Variants in OSBP2 observed in about 807,000 individuals in gnomAD.
The protein encoded by OSBP2 is oxysterol binding protein 2.
A neutral mutation model predicts 96.0 loss-of-function variants in OSBP2; 66 were observed. The observed-to-expected ratio is 0.69, with a 90% CI of 0.56 to 0.84. OSBP2 has a LOEUF of 0.84. OSBP2 is among the 40% of genes least tolerant of loss of function. The pLI is 0.00. For synonymous variants in OSBP2, 525 were observed against 520.9 expected (o/e 1.01, Z -0.11); for missense variants, 1,038 against 1,222.7 (o/e 0.85, Z 2.25).
chr22:30,783,248 T>A (rs966875253), intron 2 of OSBP2, among the ~76,000 whole-genome samples: 1 of 143,816 alleles, frequency 7.0e-6, no homozygotes, highest in Non-Finnish European at 1.5e-5. Context: ...CTGTTTTCAT[T>A]CCCCGAAGAC....
At chr22:30,802,807 A>C (rs888126828) in intron 2 of OSBP2, among the ~76,000 whole-genome samples, 1 of 152,066 alleles carries the variant, frequency 6.6e-6, no homozygotes, top group African/African-American at 2.4e-5. Flanking sequence ...GGTGGGGAGG[A>C]GGCTGGAGGA....
intron 2 of OSBP2, among the ~76,000 whole-genome samples, chr22:30,787,684 GA>G (rs1275181488): frequency 2.0e-5 from 3 of 151,568 alleles, no homozygotes; most frequent in African/African-American, 7.3e-5. Flanking sequence ...AAAGAAAAAA[GA>G]AAAAAAAGAA....
At chr22:30,773,570 G>A (rs957088942) in intron 2 of OSBP2, among the ~76,000 whole-genome samples, 1 of 152,156 alleles carries the variant, frequency 6.6e-6, no homozygotes, top group Admixed American at 6.5e-5. Context: ...CTACCACCCT[G>A]CTTGTCTCAG....
At chr22:30,828,777 G>T (rs527850165) in intron 2 of OSBP2, among the ~76,000 whole-genome samples, 22 of 152,268 alleles carry the variant, frequency 1.4e-4, no homozygotes, top group Non-Finnish European at 2.6e-4. Context: ...CTCAAGGAAG[G>T]AGGAGAGGAG....
At chr22:30,737,283 T>G (rs960911932) in intron 1 of OSBP2, among the ~76,000 whole-genome samples, 6 of 150,648 alleles carry the variant, frequency 4.0e-5, no homozygotes, top group Non-Finnish European at 8.8e-5. Flanking sequence ...CCCAAAGTGC[T>G]GGGATTACAG....
intron 1 of OSBP2, among the ~76,000 whole-genome samples, chr22:30,730,630 TG>T (rs995754524): frequency 1.3e-5 from 2 of 150,806 alleles, no homozygotes; most frequent in African/African-American, 4.9e-5. Context: ...TTGCATTGAA[TG>T]GAAGTTCCAT....
intron 2 of OSBP2, among the ~76,000 whole-genome samples, chr22:30,747,165 T>C (rs1451190208): frequency 6.6e-6 from 1 of 152,158 alleles, no homozygotes; most frequent in African/African-American, 2.4e-5. Context: ...ATAGAACAGG[T>C]AAATCCATAG....
At chr22:30,712,767 G>C (rs960500739) in intron 1 of OSBP2, among the ~76,000 whole-genome samples, 1 of 151,980 alleles carries the variant, frequency 6.6e-6, no homozygotes, top group Admixed American at 6.6e-5. Context: ...TGTATCTTGG[G>C]GTCATTATGG....
Position 30,730,766 on chromosome 22 carries a change from CT to C in OSBP2, c.645-10394del, listed in dbSNP as rs1239957236. On this transcript the variant is annotated intron_variant, in intron 1 of 13. Transcript: ENST00000332585. Reference sequence around the variant, plus strand: ...TCTCTCTCTCTCTCTCTCTCTCTCTCTCTCTCTCTATATATATATATATATA... The same window carrying C: ...TCTCTCTCTCTCTCTCTCTCTCTCTCCTCTCTCTATATATATATATATATA... 1.0e-3 allele frequency among the ~76,000 whole-genome samples: 37 copies of C among 36,902 alleles called. 1 individual carries two copies. The highest frequency in any genetic ancestry group is 1.6e-3 in the Non-Finnish European group (32 of 19,860). The allele number at this position is 36,902 out of a possible 152,430, so 24.2% of individuals were successfully genotyped here.
intron 2 of OSBP2, among the ~76,000 whole-genome samples, chr22:30,832,202 A>G (rs1243630318): frequency 1.3e-5 from 2 of 152,110 alleles, no homozygotes; most frequent in African/African-American, 4.8e-5. Context: ...TTCAAGATTC[A>G]CACTGAAGTC....
At chr22:30,793,612 C>T (rs1325851194) in intron 2 of OSBP2, among the ~76,000 whole-genome samples, 1 of 152,100 alleles carries the variant, frequency 6.6e-6, no homozygotes, top group Non-Finnish European at 1.5e-5. Context: ...ATGACAAAAC[C>T]CCATCTCTGC....
intron 1 of OSBP2, among the ~76,000 whole-genome samples, chr22:30,714,709 C>T (rs540738848): frequency 3.3e-5 from 5 of 152,188 alleles, no homozygotes; most frequent in African/African-American, 9.6e-5. Context: ...CTCTGCCTCC[C>T]GGGTTCAAGC....
intron 3 of OSBP2, among the ~76,000 whole-genome samples, chr22:30,886,177 T>C (rs1569165864): frequency 6.6e-6 from 1 of 152,200 alleles, no homozygotes; most frequent in Non-Finnish European, 1.5e-5. Context: ...TTATATATTT[T>C]AGGGAGGCAT....
chr22:30,830,450 G>A (rs776542845), intron 2 of OSBP2, among the ~76,000 whole-genome samples: 2 of 152,252 alleles, frequency 1.3e-5, no homozygotes, highest in Non-Finnish European at 2.9e-5. Flanking sequence ...TCGGCCATAG[G>A]TGGGGCTGGT....
chr22:30,854,976 CCAA>C (rs1555921098), intron 2 of OSBP2, among the ~76,000 whole-genome samples: 5 of 82,216 alleles, frequency 6.1e-5, no homozygotes, highest in Admixed American at 4.2e-4. Context: ...TGGGTGAAAG[CCAA>C]CTTATAAAAC....
chr22:30,840,305 T>TAA (rs71202016), intron 2 of OSBP2, among the ~76,000 whole-genome samples: 5 of 140,850 alleles, frequency 3.5e-5, no homozygotes, highest in Admixed American at 1.4e-4. Context: ...ATAAACCTGT[T>TAA]AAAAAAAAAA....
intron 2 of OSBP2, among the ~76,000 whole-genome samples, chr22:30,857,574 C>A (rs1459288152): frequency 3.3e-4 from 50 of 152,208 alleles, no homozygotes; most frequent in Non-Finnish European, 4.4e-5. Context: ...TTTTCTACCT[C>A]GAACATGGGT....
intron 2 of OSBP2, among the ~76,000 whole-genome samples, chr22:30,785,484 T>C (rs1427690938): frequency 1.3e-5 from 2 of 151,322 alleles, no homozygotes; most frequent in Non-Finnish European, 2.9e-5. Context: ...AGAGAATCAC[T>C]TGAATCCAGG....
chr22:30,864,844 G>C (rs982110858), intron 2 of OSBP2, among the ~76,000 whole-genome samples: 5 of 152,144 alleles, frequency 3.3e-5, no homozygotes, highest in Non-Finnish European at 7.4e-5. Flanking sequence ...GTCCCTGCTG[G>C]ACATCTATGC....
Sources: allele counts gnomAD v4.1 joint callset (sites outside exome capture counted in the v4.1 genomes callset), GRCh38; gene constraint gnomAD v4.1.1; transcripts MANE v1.5; gene names NCBI Gene and HGNC (gene_info 2026-07-23, HGNC 2026-07-21).